Variants in SLC5A2 observed in about 807,000 individuals in gnomAD.
SLC5A2 encodes the protein solute carrier family 5 member 2, also known as sodium/glucose cotransporter 2.
Under a neutral mutation model 69.0 loss-of-function variants are expected in SLC5A2, and 67 were observed. That is an observed-to-expected ratio of 0.97 (90% CI 0.80 to 1.19). The LOEUF (loss-of-function observed/expected upper bound fraction) is 1.19, where lower values mean the gene tolerates loss of function less well. Among genes scored for constraint, SLC5A2 ranks in the 50% most tolerant of loss-of-function variants. The probability of loss-of-function intolerance (pLI) is 0.00; values close to 1 mark genes in which losing one functional copy is unlikely to be tolerated. For synonymous variants in SLC5A2, 455 were observed against 395.8 expected (o/e 1.15, Z -1.78); for missense variants, 1,001 against 921.5 (o/e 1.09, Z -1.12).
intron 8 of SLC5A2, 66 bp from the exon 9 acceptor site, chr16:31,488,317 G>C (rs2082517490): frequency 6.2e-7 from 1 of 1,602,080 alleles, no homozygotes; most frequent in Non-Finnish European, 8.5e-7. Flanking sequence ...AGGATTCCCA[G>C]TCCCCACCTC....
rs2082523822 is a variant in SLC5A2 at position 31,488,690 on chromosome 16, A to G, written c.1198A>G (p.Ser400Gly). The G allele has an allele frequency of 6.2e-7, 1 of 1,610,816 alleles. No homozygotes were observed. The highest frequency in any genetic ancestry group is 8.5e-7 in the Non-Finnish European group (1 of 1,178,880). ...LMSSLASIFN[S>G]SSTLFTMDIY... ...GTCCTCGCTGGCCTCCATCTTCAAC[A>G]GCAGCAGCACGCTCTTCACCATGGA... is the stretch of plus-strand genomic sequence containing the variant. Residue 400 changes from serine (S) to glycine (G), a missense_variant, in exon 10 of 14, where the codon AGC (serine) becomes GGC (glycine). By Grantham distance (56) the Ser-to-Gly change is moderately conservative (BLOSUM62 0). Coordinates refer to ENST00000330498, the MANE Select transcript of SLC5A2 (RefSeq NM_003041.4).
rs750110205 is a variant in SLC5A2 at position 31,489,219 on chromosome 16, G to A, written c.1546G>A (p.Ala516Thr). ...FGSGSCVQPS[A>T]CPAFLCGVHY... ...CTCGGGCAGCTGTGTGCAGCCCTCG[G>A]CGTGCCCAGCTTTCCTCTGCGGCGT... Residue 516 changes from alanine (A) to threonine (T), a missense_variant, in exon 12 of 14, where the codon GCG (alanine) becomes ACG (threonine). Transcript: ENST00000330498. 6 of 1,610,298 alleles carry A rather than the reference G, an allele frequency of 3.7e-6. No homozygotes were observed. Among genetic ancestry groups the A allele is most frequent in the South Asian group, 1.1e-5 (1 of 91,090 alleles).
Position 31,485,665 on chromosome 16 carries a change from G to C in SLC5A2, c.304-64G>C, listed in dbSNP as rs569201961. On this transcript the variant is annotated intron_variant, in intron 3 of 13. Coordinates refer to ENST00000330498, the MANE Select transcript of SLC5A2 (RefSeq NM_003041.4). ...CACTTGCTTGGAGTAGCACCTTCAC[G>C]AAGAGGTCAGATCCTCAGGGATGAG... is the stretch of plus-strand genomic sequence containing the variant. 3.9e-5 allele frequency: 63 copies of C among 1,595,744 alleles called. No individual in the cohort carries two copies. The African/African-American group carries it at 7.1e-4, about 18-fold the overall frequency.
rs2082523892 is a variant in SLC5A2 at position 31,488,692 on chromosome 16, C to A, written c.1200C>A (p.Ser400Arg). Residue 400 changes from serine (S) to arginine (R), a missense_variant, in exon 10 of 14, where the codon AGC becomes AGA. Transcript: ENST00000330498. ...CCTCGCTGGCCTCCATCTTCAACAG[C>A]AGCAGCACGCTCTTCACCATGGACA... The part of the protein sequence containing the change: ...LMSSLASIFN[S>R]SSTLFTMDIY... The A allele has an allele frequency of 6.2e-7, 1 of 1,612,154 alleles. No individual in the cohort carries two copies. The highest frequency in any genetic ancestry group is 8.5e-7 in the Non-Finnish European group (1 of 1,179,370).
rs777461500 is a variant in SLC5A2 at position 31,490,366 on chromosome 16, T to C, written c.1850T>C (p.Met617Thr). 6.2e-7 allele frequency: 1 copy of C among 1,613,056 alleles called. No homozygotes were observed. The highest frequency in any genetic ancestry group is 1.3e-5 in the African/African-American group (1 of 74,930). The change falls in exon 14 of 14, where the codon ATG becomes ACG. Residue 617 changes from methionine (M) to threonine (T), a missense_variant. Met to Thr is a moderately conservative substitution (Grantham distance 81, BLOSUM62 -1). Transcript: ENST00000330498. ...FRQCLLWFCG[M>T]SRGGVGSPPP... ...CAGTGCCTGCTCTGGTTTTGTGGAA[T>C]GAGCAGAGGTGGGGTGGGCAGTCCT...
rs769446511 is a variant in SLC5A2, at chr16:31,488,173, G to A, written c.1021G>A (p.Asp341Asn). Residue 341 changes from aspartate (D) to asparagine (N), a missense_variant and splice_region_variant, in exon 8 of 14, where the codon GAC becomes AAC. By Grantham distance (23) the Asp-to-Asn change is conservative (BLOSUM62 1). Coordinates refer to ENST00000330498, the MANE Select transcript of SLC5A2 (RefSeq NM_003041.4). ...PGMISRILYP[D>N]EVACVVPEVC... The stretch of plus-strand genomic sequence containing the variant: ...CATGATCAGCCGCATTCTGTACCCA[G>A]GTAACATCCCTGCCCCGCCCCTTTC... 2.0e-5 allele frequency: 33 copies of A among 1,613,908 alleles called. No homozygotes were observed. The highest frequency in any genetic ancestry group is 2.8e-5 in the Non-Finnish European group (33 of 1,179,972).
chr16:31,487,395 G>A lies in SLC5A2; in HGVS notation c.650G>A (p.Gly217Asp), dbSNP rs374337806. ...VILGGACILM[G>D]YAFHEVGGYS... ...CTGGGGGGCGCCTGCATCCTCATGG[G>A]TTACGGTAGGGGCTCGCCTACCAGG... Residue 217 changes from glycine to aspartate, a missense_variant, in exon 6 of 14, where the codon GGT becomes GAT. Coordinates refer to ENST00000330498, the MANE Select transcript of SLC5A2 (RefSeq NM_003041.4). 79 of 1,613,710 alleles carry A rather than the reference G, an allele frequency of 4.9e-5. No individual in the cohort carries two copies. The highest frequency in any genetic ancestry group is 6.4e-5 in the Non-Finnish European group (76 of 1,180,024).
At chr16:31,489,750 G>C (rs555490769) in intron 12 of SLC5A2, 1 of 443,624 alleles carries the variant, frequency 2.3e-6, no homozygotes, top group Non-Finnish European at 4.2e-6. Context: ...AAGGATGGCC[G>C]GGTTTCTGCA....
At chr16:31,487,174 T>C (rs980431482) in intron 5 of SLC5A2, 146 bp from the exon 6 acceptor site, 1 of 826,298 alleles carries the variant, frequency 1.2e-6, no homozygotes, top group Non-Finnish European at 2.0e-6. Context: ...GGTGCCTGCG[T>C]GCATGAGCCC....
Position 31,490,707 on chromosome 16 carries a change from A to C in SLC5A2, c.*172A>C. The C allele has an allele frequency of 8.3e-7, 1 of 1,197,650 alleles. No homozygotes were observed. Among genetic ancestry groups the C allele is most frequent in the Non-Finnish European group, 1.2e-6 (1 of 819,058 alleles). The allele number at this position is 1,197,650 out of a possible 1,614,324, so 74.2% of individuals were successfully genotyped here. On this transcript the variant is annotated 3_prime_UTR_variant, in exon 14 of 14. Transcript: ENST00000330498. ...TGCATCTGATTGGCAGTCACTTCCCATGAGGGCCTGGCCCACCCGCTGCAG... is the reference window on the plus strand; with the variant it reads ...TGCATCTGATTGGCAGTCACTTCCCCTGAGGGCCTGGCCCACCCGCTGCAG...
chr16:31,489,569 C>T, intron 12 of SLC5A2: 1 of 599,018 alleles, frequency 1.7e-6, no homozygotes, highest in South Asian at 2.0e-5. Context: ...CTCCCAAAGC[C>T]AATCCTTGGC....
intron 3 of SLC5A2, chr16:31,485,448 T>C: frequency 1.8e-6 from 1 of 542,052 alleles, no homozygotes; most frequent in Non-Finnish European, 3.3e-6. Context: ...GAGGGGTCTA[T>C]GCTGGGGTTC....
At position 31,489,306 on chromosome 16, in the gene SLC5A2, T is replaced by G; in HGVS notation, c.1633T>G (p.Ser545Ala). The G allele has an allele frequency of 1.2e-6, 2 of 1,610,132 alleles. No homozygotes were observed. ...FCSGLLTLTV[S>A]LCTAPIPRKH... ...CTCTGGCCTCCTCACCCTCACGGTC[T>G]CCCTGTGCACCGCGCCCATCCCCAG... Residue 545 changes from serine to alanine, a missense_variant, in exon 12 of 14, where the codon TCC becomes GCC. Ser to Ala is a moderately conservative substitution (Grantham distance 99). Coordinates refer to ENST00000330498, the MANE Select transcript of SLC5A2 (RefSeq NM_003041.4).
At position 31,490,564 on chromosome 16, in the gene SLC5A2, C is replaced by T; in HGVS notation, c.*29C>T. Reference sequence around the variant, plus strand: ...CAACTGCGTTGGACACCATAAGCCACAGCCTCACAGGAAGTGGGGGTGAGG... The same window carrying T: ...CAACTGCGTTGGACACCATAAGCCATAGCCTCACAGGAAGTGGGGGTGAGG... On this transcript the variant is annotated 3_prime_UTR_variant, in exon 14 of 14. Coordinates refer to ENST00000330498, the MANE Select transcript of SLC5A2 (RefSeq NM_003041.4). 1 of 1,558,410 alleles carries T rather than the reference C, an allele frequency of 6.4e-7. No individual in the cohort carries two copies. The highest frequency in any genetic ancestry group is 1.3e-5 in the African/African-American group (1 of 74,224).
At chr16:31,490,057 A>C (rs1186832050) in intron 12 of SLC5A2, 47 bp from the exon 13 acceptor site, 1 of 1,611,398 alleles carries the variant, frequency 6.2e-7, no homozygotes, top group East Asian at 2.2e-5. Context: ...AGGGCCAGGC[A>C]TGGGGGGACA....
intron 1 of SLC5A2, among the ~76,000 whole-genome samples, chr16:31,484,227 T>TACACACACACACACAC (rs537221545): frequency 7.2e-6 from 1 of 139,750 alleles, no homozygotes. Context: ...TCTACTAAAA[T>TACACACACACACACAC]ACACACACAC....
rs1156766188 is a variant in SLC5A2 at position 31,489,093 on chromosome 16, C to T, written c.1450-30C>T. On this transcript the variant is annotated intron_variant, in intron 11 of 13. Transcript: ENST00000330498. ...TGACGGCAGGGCTGGGCTTGCACAT[C>T]CTCAGCAGGCTGACCTGTTTCCTTC... The T allele has an allele frequency of 3.1e-6, 5 of 1,604,630 alleles. No homozygotes were observed. In the East Asian group the frequency reaches 6.7e-5, roughly 21 times the overall value.
chr16:31,490,565 A>T lies in SLC5A2; in HGVS notation c.*30A>T. On this transcript the variant is annotated 3_prime_UTR_variant, in exon 14 of 14. Transcript: ENST00000330498. ...AACTGCGTTGGACACCATAAGCCAC[A>T]GCCTCACAGGAAGTGGGGGTGAGGA... 1 of 1,546,388 alleles carries T rather than the reference A, an allele frequency of 6.5e-7. No homozygotes were observed. The highest frequency in any genetic ancestry group is 8.9e-7 in the Non-Finnish European group (1 of 1,127,226).
In SLC5A2 at chr16:31,488,773, G is replaced by A. The variant is rs554372141; in HGVS notation, c.1280+1G>A. The stretch of plus-strand genomic sequence containing the variant: ...ACCGCGAGCTGCTGCTGGTGGGACG[G>A]TGCGGCCTGGGCTCCCCTCCTCCCC... On this transcript the variant is annotated splice_donor_variant, in intron 10 of 13. Transcript: ENST00000330498. LOFTEE classifies it high-confidence loss of function. 2.6e-5 allele frequency: 42 copies of A among 1,600,744 alleles called. No homozygotes were observed. The highest frequency in any genetic ancestry group is 3.6e-5 in the Non-Finnish European group (42 of 1,177,410).
Sources: gnomAD v4.1 joint callset for allele counts (sites outside exome capture counted in the v4.1 genomes callset) on GRCh38, gnomAD v4.1.1 for gene constraint, MANE v1.5 for transcripts, NCBI Gene and HGNC (gene_info 2026-07-23, HGNC 2026-07-21) for gene names.